CYP7B1: variants seen among roughly 807,000 people sequenced by gnomAD.
CYP7B1 encodes cytochrome P450 family 7 subfamily B member 1, also known as cytochrome P450 7B1.
In CYP7B1, 29 loss-of-function variants were observed where a neutral mutation model predicts 42.7. The observed-to-expected ratio is 0.68, with a 90% CI of 0.51 to 0.93. CYP7B1 has a LOEUF of 0.93. Among genes scored for constraint, CYP7B1 ranks in the 40% least tolerant of loss-of-function variants. The pLI, the probability that CYP7B1 is intolerant of heterozygous loss-of-function variation, is 0.00. For missense variants in CYP7B1, 655 were observed against 600.5 expected, an observed-to-expected ratio of 1.09 and a Z score of -0.95; for synonymous variants, 235 against 218.2, an observed-to-expected ratio of 1.08 and a Z score of -0.68.
intron 1 of CYP7B1, among the ~76,000 whole-genome samples, chr8:64,752,309 G>T (rs1482297776): frequency 6.6e-6 from 1 of 151,942 alleles, no homozygotes; most frequent in Non-Finnish European, 1.5e-5. Context: ...TTACAAACAG[G>T]TCTACATATT....
At chr8:64,794,334 C>T (rs2129732169) in intron 1 of CYP7B1, among the ~76,000 whole-genome samples, 1 of 152,354 alleles carries the variant, frequency 6.6e-6, no homozygotes, top group South Asian at 2.1e-4. Flanking sequence ...GAGGCTTCAG[C>T]CACTGCCCAC....
At chr8:64,628,375 G>A (rs185448924) in intron 1 of CYP7B1, among the ~76,000 whole-genome samples, 2 of 152,300 alleles carry the variant, frequency 1.3e-5, no homozygotes, top group Admixed American at 1.3e-4. Flanking sequence ...GAGACGGGGA[G>A]TGGTGGTTCA....
At chr8:64,680,780 T>C (rs1806524661) in intron 1 of CYP7B1, among the ~76,000 whole-genome samples, 1 of 152,222 alleles carries the variant, frequency 6.6e-6, no homozygotes. Context: ...TGAAACAACA[T>C]TTAACAATGT....
chr8:64,778,843 C>T (rs1804369784), intron 1 of CYP7B1, among the ~76,000 whole-genome samples: 1 of 152,064 alleles, frequency 6.6e-6, no homozygotes, highest in Admixed American at 6.6e-5. Context: ...TCTAGGCACA[C>T]AGTAGACCCC....
intron 4 of CYP7B1, among the ~76,000 whole-genome samples, chr8:64,610,556 T>G (rs2129630061): frequency 6.6e-6 from 1 of 152,276 alleles, no homozygotes; most frequent in South Asian, 2.1e-4. Context: ...ACGTAAAACG[T>G]TCATAAGGGA....
intron 1 of CYP7B1, among the ~76,000 whole-genome samples, chr8:64,783,643 A>G (rs1804469822): frequency 6.6e-6 from 1 of 152,126 alleles, no homozygotes; most frequent in South Asian, 2.1e-4. Flanking sequence ...AAGCTTTCAA[A>G]TAAGATAACC....
At chr8:64,687,947 C>T (rs1193577749) in intron 1 of CYP7B1, among the ~76,000 whole-genome samples, 1 of 152,198 alleles carries the variant, frequency 6.6e-6, no homozygotes, top group East Asian at 1.9e-4. Context: ...CAGTATGAGG[C>T]AGTGGCTAAC....
chr8:64,724,135 G>T (rs1310844109), intron 1 of CYP7B1, among the ~76,000 whole-genome samples: 1 of 151,682 alleles, frequency 6.6e-6, no homozygotes, highest in Non-Finnish European at 1.5e-5. Flanking sequence ...GTAACCAAAA[G>T]AATAATTTTT....
chr8:64,664,201 G>C (rs1806241759), intron 1 of CYP7B1, among the ~76,000 whole-genome samples: 1 of 152,114 alleles, frequency 6.6e-6, no homozygotes, highest in African/African-American at 2.4e-5. Context: ...GTGTGTGCTG[G>C]GGGAGATGGA....
intron 1 of CYP7B1, among the ~76,000 whole-genome samples, chr8:64,712,078 A>C (rs879420219): frequency 6.6e-5 from 10 of 152,218 alleles, no homozygotes; most frequent in Non-Finnish European, 1.0e-4. Context: ...TTGACAATTA[A>C]GAAAATCAGA....
At chr8:64,629,040 A>G (rs1805649307) in intron 1 of CYP7B1, among the ~76,000 whole-genome samples, 1 of 152,132 alleles carries the variant, frequency 6.6e-6, no homozygotes, top group South Asian at 2.1e-4. Flanking sequence ...AGCCTGGCCA[A>G]CATAGTGAAA....
chr8:64,722,665 G>A lies in CYP7B1; in HGVS notation c.122+75801C>T, dbSNP rs530643819. Among the ~76,000 whole-genome samples the A allele has an allele frequency of 6.7e-4, 92 of 137,430 alleles. 1 individual carries two copies. The highest frequency in any genetic ancestry group is 2.1e-3 in the African/African-American group (79 of 36,780). The allele number at this position is 137,430 out of a possible 152,430, so 90.2% of individuals were successfully genotyped here. ...GGTTTCAACTCCTGATGCTTACCTA[G>A]GAAAACTGGGATCTCGTAGTATAAA... On this transcript the variant is annotated intron_variant, in intron 1 of 5. Coordinates refer to ENST00000310193, the MANE Select transcript of CYP7B1 (RefSeq NM_004820.5).
chr8:64,725,881 G>T (rs1047988825), intron 1 of CYP7B1, among the ~76,000 whole-genome samples: 1 of 152,008 alleles, frequency 6.6e-6, no homozygotes, highest in African/African-American at 2.4e-5. Context: ...CTCACTCATT[G>T]GTCCACCAAA....
At chr8:64,751,631 G>A (rs1016743729) in intron 1 of CYP7B1, among the ~76,000 whole-genome samples, 3 of 151,990 alleles carry the variant, frequency 2.0e-5, no homozygotes, top group Admixed American at 6.6e-5. Context: ...TTAGTCAAAC[G>A]GCATGCATGC....
intron 1 of CYP7B1, among the ~76,000 whole-genome samples, chr8:64,743,949 T>G (rs903423924): frequency 1.3e-5 from 2 of 152,246 alleles, no homozygotes; most frequent in Non-Finnish European, 2.9e-5. Flanking sequence ...AATTATTCTT[T>G]GGTGGCTCAC....
Position 64,596,460 on chromosome 8 carries a change from C to A in CYP7B1, c.*182G>T, listed in dbSNP as rs1362889268. ...TTGATGTCCATTTTCCTGCCACCAT[C>A]CTGTTTTATATTATGATGGGCTTTG... On this transcript the variant is annotated 3_prime_UTR_variant, in exon 6 of 6. Transcript: ENST00000310193. 1.7e-6 allele frequency: 1 copy of A among 594,782 alleles called. No homozygotes were observed. Among genetic ancestry groups the A allele is most frequent in the East Asian group, 3.0e-5 (1 of 32,982 alleles). 36.8% of individuals were successfully genotyped at this position (594,782 alleles called of 1,614,324 possible). A position where few individuals can be genotyped will look rare whatever the true frequency, so the allele number is the denominator to read the frequency against.
At chr8:64,721,092 GTT>G (rs1004354782) in intron 1 of CYP7B1, among the ~76,000 whole-genome samples, 2 of 144,770 alleles carry the variant, frequency 1.4e-5, no homozygotes, top group Admixed American at 6.9e-5. Flanking sequence ...TTCTTACCTG[GTT>G]TTTTTTTTTA....
chr8:64,692,774 C>T (rs1212753336), intron 1 of CYP7B1, among the ~76,000 whole-genome samples: 2 of 152,158 alleles, frequency 1.3e-5, no homozygotes. Context: ...GTACCAGGCA[C>T]TGGACCTGGT....
intron 1 of CYP7B1, among the ~76,000 whole-genome samples, chr8:64,681,342 G>A (rs1806534942): frequency 6.6e-6 from 1 of 152,122 alleles, no homozygotes; most frequent in Non-Finnish European, 1.5e-5. Flanking sequence ...AGTGGTGGGG[G>A]GAGGAAGTTG....
Sources: allele counts gnomAD v4.1 joint callset (sites outside exome capture counted in the v4.1 genomes callset), GRCh38; gene constraint gnomAD v4.1.1; transcripts MANE v1.5; gene names NCBI Gene and HGNC (gene_info 2026-07-23, HGNC 2026-07-21).